Variants in KIAA0319 observed in about 807,000 individuals in gnomAD.
The protein encoded by KIAA0319 is dyslexia-associated protein KIAA0319.
Under a neutral mutation model 108.4 loss-of-function variants are expected in KIAA0319, and 83 were observed. That is an observed-to-expected ratio of 0.77 (90% CI 0.64 to 0.92). The LOEUF is 0.92. KIAA0319 is among the 40% of genes least tolerant of loss of function. The probability of loss-of-function intolerance (pLI) is 0.00; values close to 1 mark genes in which losing one functional copy is unlikely to be tolerated. For synonymous variants in KIAA0319, 484 were observed against 510.4 expected, an observed-to-expected ratio of 0.95 and a Z score of 0.70; for missense variants, 1,195 against 1,322.4, an observed-to-expected ratio of 0.90 and a Z score of 1.49.
chr6:24,576,622 T>A (rs377675031), intron 9 of KIAA0319, 26 bp from the exon 10 acceptor site: 537 of 1,587,454 alleles, frequency 3.4e-4, no homozygotes, highest in Middle Eastern at 1.7e-3. Flanking sequence ...GAAGCCGTAG[T>A]TGGAAGAATA....
chr6:24,617,049 T>C (rs1773242967), intron 1 of KIAA0319, among the ~76,000 whole-genome samples: 1 of 152,128 alleles, frequency 6.6e-6, no homozygotes, highest in Admixed American at 6.5e-5. Context: ...TTTAAGCAAA[T>C]TTAAAAACCT....
chr6:24,564,525 A>G (rs529509360), intron 14 of KIAA0319, among the ~76,000 whole-genome samples, 185 bp from the exon 15 acceptor site: 3 of 152,306 alleles, frequency 2.0e-5, no homozygotes, highest in South Asian at 4.1e-4. Context: ...CTCTTCCCCA[A>G]AAAGCACCAG....
intron 1 of KIAA0319, among the ~76,000 whole-genome samples, chr6:24,602,014 G>T (rs1160904854): frequency 6.6e-6 from 1 of 150,982 alleles, no homozygotes; most frequent in African/African-American, 2.4e-5. Context: ...TCACACTACT[G>T]TATTTCTTTT....
intron 1 of KIAA0319, among the ~76,000 whole-genome samples, chr6:24,621,595 C>G (rs899765039): frequency 2.0e-5 from 3 of 152,200 alleles, no homozygotes; most frequent in Non-Finnish European, 2.9e-5. Flanking sequence ...CAGCTCTCCT[C>G]TTTCCTGTGC....
chr6:24,576,287 G>T, intron 10 of KIAA0319, 81 bp downstream of exon 10: 1 of 1,082,108 alleles, frequency 9.2e-7, no homozygotes, highest in Non-Finnish European at 1.4e-6. Context: ...AAATTTAACT[G>T]CCTACCCCAA....
chr6:24,633,940 C>T (rs1775889814), intron 1 of KIAA0319, among the ~76,000 whole-genome samples: 1 of 150,484 alleles, frequency 6.6e-6, no homozygotes, highest in African/African-American at 2.5e-5. Flanking sequence ...AAAAGACAAA[C>T]AAAAAATTAA....
chr6:24,613,126 A>C (rs9356939), intron 1 of KIAA0319, among the ~76,000 whole-genome samples: 63,239 of 151,994 alleles, frequency 0.42, 13,342 homozygotes, highest in African/African-American at 0.48. Context: ...TATTTAAAAA[A>C]ATAAATTTAA....
intron 8 of KIAA0319, among the ~76,000 whole-genome samples, chr6:24,579,502 C>A (rs1365419583): frequency 7.0e-6 from 1 of 143,274 alleles, no homozygotes; most frequent in South Asian, 2.1e-4. Flanking sequence ...TCTTATATAT[C>A]TCATATATAT....
chr6:24,616,927 T>C (rs989784614), intron 1 of KIAA0319, among the ~76,000 whole-genome samples: 4 of 152,160 alleles, frequency 2.6e-5, no homozygotes, highest in African/African-American at 7.2e-5. Context: ...GTCAAACTCA[T>C]CGCTCATATT....
chr6:24,545,729 A>C lies in KIAA0319; in HGVS notation c.*1436T>G, dbSNP rs1056878351. 1 of 152,238 alleles carries C rather than the reference A, an allele frequency of 6.6e-6. No individual in the cohort carries two copies. Among genetic ancestry groups the C allele is most frequent in the African/African-American group, 2.4e-5 (1 of 41,460 alleles). 9.4% of individuals were successfully genotyped at this position (152,238 alleles called of 1,614,324 possible). A position where few individuals can be genotyped will look rare whatever the true frequency, so the allele number is the denominator to read the frequency against. ...GAATACTGCGGGAGATGACAAAAGC[A>C]CCTAAAAGCTGAATTTTTTTTAAGA... On this transcript the variant is annotated 3_prime_UTR_variant, in exon 21 of 21. Coordinates refer to ENST00000378214, the MANE Select transcript of KIAA0319 (RefSeq NM_014809.4).
intron 1 of KIAA0319, among the ~76,000 whole-genome samples, chr6:24,617,790 C>T (rs540514377): frequency 6.6e-6 from 1 of 152,250 alleles, no homozygotes; most frequent in South Asian, 2.1e-4. Flanking sequence ...AGTTCAAGAC[C>T]AGCCTGGCCA....
At position 24,564,253 on chromosome 6, in the gene KIAA0319, C is replaced by A. The variant is rs767807604; in HGVS notation, c.2380G>T (p.Asp794Tyr). Reference protein sequence around the residue: ...GVYTFHLRVTDSQGASDTDTA... With the variant: ...GVYTFHLRVTYSQGASDTDTA... ...TCTGTGTCCGAGGCCCCCTGACTGT[C>A]GGTGACTCGCAAGTGGAAAGTGTAC... Residue 794 changes from aspartate (D) to tyrosine (Y), a missense_variant, in exon 15 of 21, where the codon GAC (aspartate) becomes TAC (tyrosine). Physicochemically the swap from Asp to Tyr is radical, Grantham distance 160. Transcript: ENST00000378214. The A allele has an allele frequency of 6.2e-7, 1 of 1,613,990 alleles. No homozygotes were observed. The highest frequency in any genetic ancestry group is 8.5e-7 in the Non-Finnish European group (1 of 1,180,018).
In KIAA0319 at chr6:24,596,031, G is replaced by C. The variant is rs758324011; in HGVS notation, c.643C>G (p.Leu215Val). The C allele has an allele frequency of 6.2e-7, 1 of 1,614,186 alleles. No individual in the cohort carries two copies. Among genetic ancestry groups the C allele is most frequent in the Non-Finnish European group, 8.5e-7 (1 of 1,180,018 alleles). Residue 215 changes from leucine (L) to valine (V), a missense_variant, in exon 3 of 21, where the codon CTC becomes GTC. By Grantham distance (32) the Leu-to-Val change is conservative (BLOSUM62 1). Transcript: ENST00000378214. ...VPAETQQDPELHYLNESASTP... is the reference protein window; with the variant it reads ...VPAETQQDPEVHYLNESASTP... ...GAAGCCGACTCATTCAGGTAATGGA[G>C]CTCAGGGTCCTGCTGCGTCTCCGCT...
intron 1 of KIAA0319, among the ~76,000 whole-genome samples, chr6:24,637,379 A>G (rs1282451465): frequency 6.6e-6 from 1 of 152,230 alleles, no homozygotes. Flanking sequence ...CGACTTTTCA[A>G]GAGTTTCAAT....
chr6:24,604,827 CTCTT>C (rs901180163), intron 1 of KIAA0319, among the ~76,000 whole-genome samples: 18 of 151,922 alleles, frequency 1.2e-4, no homozygotes, highest in African/African-American at 4.4e-4. Context: ...ATAAGTGTTG[CTCTT>C]TTGTTTTTGT....
At chr6:24,598,611 C>T in intron 2 of KIAA0319, 1 of 351,266 alleles carries the variant, frequency 2.8e-6, no homozygotes. Context: ...TGCGGTGGCT[C>T]ACATCTGTAA....
chr6:24,587,437 C>T (rs1018668220), intron 4 of KIAA0319, among the ~76,000 whole-genome samples: 32 of 151,970 alleles, frequency 2.1e-4, no homozygotes, highest in Non-Finnish European at 2.8e-4. Flanking sequence ...CCCACCACCA[C>T]GTCTGGCTAA....
At chr6:24,547,853 T>G (rs1310520133) in intron 20 of KIAA0319, among the ~76,000 whole-genome samples, 2 of 152,190 alleles carry the variant, frequency 1.3e-5, no homozygotes, top group African/African-American at 2.4e-5. Context: ...AAAGGATTTA[T>G]GGTGTCTAGC....
At chr6:24,552,717 C>T (rs1481312439) in intron 19 of KIAA0319, among the ~76,000 whole-genome samples, 4 of 152,158 alleles carry the variant, frequency 2.6e-5, no homozygotes, top group African/African-American at 4.8e-5. Context: ...GCGATTCTCC[C>T]GCCTCAGCCT....
Sources: allele counts gnomAD v4.1 joint callset (sites outside exome capture counted in the v4.1 genomes callset), GRCh38; gene constraint gnomAD v4.1.1; transcripts MANE v1.5; gene names NCBI Gene and HGNC (gene_info 2026-07-23, HGNC 2026-07-21).